Variants in ATXN10 observed in about 807,000 individuals in gnomAD.
The protein encoded by ATXN10 is ataxin-10.
ATXN10 carries 28 observed loss-of-function variants against 52.9 expected under a neutral mutation model. That is an observed-to-expected ratio of 0.53 (90% CI 0.39 to 0.73). The LOEUF (loss-of-function observed/expected upper bound fraction) is 0.73. ATXN10 is among the 30% of genes least tolerant of loss of function. The pLI is 0.00. For missense variants in ATXN10, 565 were observed against 577.0 expected (o/e 0.98, Z 0.21); for synonymous variants, 226 against 221.5 (o/e 1.02, Z -0.18).
intron 10 of ATXN10, among the ~76,000 whole-genome samples, chr22:45,839,922 C>T (rs1929290925): frequency 6.6e-6 from 1 of 152,230 alleles, no homozygotes; most frequent in Non-Finnish European, 1.5e-5. Flanking sequence ...TGGCCCCACC[C>T]ACGTGGTGAA....
intron 9 of ATXN10, among the ~76,000 whole-genome samples, chr22:45,747,472 C>T (rs1192449127): frequency 1.3e-5 from 2 of 151,890 alleles, no homozygotes; most frequent in Non-Finnish European, 2.9e-5. Flanking sequence ...CCACTGTGTT[C>T]TAGCCTCGGT....
At chr22:45,672,507 T>G in intron 1 of ATXN10, 1 of 159,368 alleles carries the variant, frequency 6.3e-6, no homozygotes, top group Non-Finnish European at 1.4e-5. Context: ...GTGCGAGGGC[T>G]GCGCCAGGCC....
chr22:45,731,182 G>A (rs1925075795), intron 7 of ATXN10, among the ~76,000 whole-genome samples: 1 of 152,212 alleles, frequency 6.6e-6, no homozygotes, highest in Non-Finnish European at 1.5e-5. Context: ...ATGCACTTGT[G>A]ATACAACAGG....
rs1024256761 is a variant in ATXN10 at position 45,789,408 on chromosome 22, G to T, written c.1174-17551G>T. On this transcript the variant is annotated intron_variant, in intron 9 of 11. Transcript: ENST00000252934. The surrounding 1 kb of genome is among the most constrained non-coding windows in gnomAD (Gnocchi z 4.0). ...ATCATTGTTAAGTATCTCGGGACCG[G>T]GCAAGGGATGCAAGGATGAGTGGAA... Among the ~76,000 whole-genome samples the T allele has an allele frequency of 9.9e-5, 15 of 152,114 alleles. No homozygotes were observed. Among genetic ancestry groups the T allele is most frequent in the African/African-American group, 3.4e-4 (14 of 41,414 alleles).
chr22:45,811,860 C>G (rs1184631088), intron 10 of ATXN10: 4 of 451,780 alleles, frequency 8.9e-6, no homozygotes, highest in African/African-American at 4.0e-5. Flanking sequence ...TCATTCCTCT[C>G]TGATTCTCCC....
At chr22:45,751,427 TGAGAGA>T (rs3077250) in intron 9 of ATXN10, among the ~76,000 whole-genome samples, 5 of 148,068 alleles carry the variant, frequency 3.4e-5, no homozygotes, top group African/African-American at 9.9e-5. Flanking sequence ...TGTGTGTTTT[TGAGAGA>T]GAGAGAGAGA....
intron 5 of ATXN10, among the ~76,000 whole-genome samples, chr22:45,713,497 C>A (rs539192874): frequency 6.6e-6 from 1 of 152,232 alleles, no homozygotes; most frequent in South Asian, 2.1e-4. Context: ...CAGAGTTCTC[C>A]TATATGACCG....
Position 45,826,657 on chromosome 22 carries a change from A to AT in ATXN10, c.1238-16334_1238-16333insT, listed in dbSNP as rs1249950234. ...AATGTTCAAAGTGCAAAAAGAAAAA[A>AT]CTGTCAACTAAGAATCGTTTGTCTG... On this transcript the variant is annotated intron_variant, in intron 10 of 11. Transcript: ENST00000252934. The surrounding 1 kb of genome is among the most constrained non-coding windows in gnomAD (Gnocchi z 5.0). Among the ~76,000 whole-genome samples, 1 of 152,238 alleles carries AT rather than the reference A, an allele frequency of 6.6e-6. No individual in the cohort carries two copies. Among genetic ancestry groups the AT allele is most frequent in the Non-Finnish European group, 1.5e-5 (1 of 68,042 alleles).
chr22:45,703,395 T>A (rs1923915603), intron 5 of ATXN10, among the ~76,000 whole-genome samples: 1 of 152,218 alleles, frequency 6.6e-6, no homozygotes. Context: ...CTTTTTGGGG[T>A]TTCCTCAACT....
At position 45,786,522 on chromosome 22, in the gene ATXN10, C is replaced by T. The variant is rs1433044139; in HGVS notation, c.1174-20437C>T. On this transcript the variant is annotated intron_variant, in intron 9 of 11. Coordinates refer to ENST00000252934, the MANE Select transcript of ATXN10 (RefSeq NM_013236.4). This position sits in a 1 kb window ranked among gnomAD's most constrained non-coding sequence, Gnocchi z 4.1. ...AGCCCGCACTTTATCACCCTTCCTG[C>T]CAGGGCATTGCTCCCTGGTCGGAAG... 1.3e-5 allele frequency among the ~76,000 whole-genome samples: 2 copies of T among 152,234 alleles called. No homozygotes were observed. Among genetic ancestry groups the T allele is most frequent in the South Asian group, 2.1e-4 (1 of 4,836 alleles).
In ATXN10 at chr22:45,823,095, T is replaced by C. The variant is rs1250316537; in HGVS notation, c.1237+16073T>C. On this transcript the variant is annotated intron_variant, in intron 10 of 11. Transcript: ENST00000252934. The surrounding 1 kb of genome is among the most constrained non-coding windows in gnomAD (Gnocchi z 4.9). Reference sequence around the variant, plus strand: ...TAGAGTAAACTGCAAAATTTTTAAGTATACATCTTGACATAAGTACAGATG... The same window carrying C: ...TAGAGTAAACTGCAAAATTTTTAAGCATACATCTTGACATAAGTACAGATG... 1 of 462,512 alleles carries C rather than the reference T, an allele frequency of 2.2e-6. No homozygotes were observed. Among genetic ancestry groups the C allele is most frequent in the East Asian group, 7.0e-5 (1 of 14,284 alleles). 28.7% of individuals were successfully genotyped at this position (462,512 alleles called of 1,614,324 possible).
Position 45,712,600 on chromosome 22 carries a change from G to T in ATXN10, c.648-5813G>T, listed in dbSNP as rs1388774025. 6.6e-6 allele frequency among the ~76,000 whole-genome samples: 1 copy of T among 152,118 alleles called. No individual in the cohort carries two copies. ...ACACCCACTGCCTCCCTTAGAGGAC[G>T]ACATTAAAGGAAGGGTGGCTGGGAT... is the stretch of plus-strand genomic sequence containing the variant. On this transcript the variant is annotated intron_variant, in intron 5 of 11. Coordinates refer to ENST00000252934, the MANE Select transcript of ATXN10 (RefSeq NM_013236.4). This position sits in a 1 kb window ranked among gnomAD's most constrained non-coding sequence, Gnocchi z 4.6.
intron 9 of ATXN10, among the ~76,000 whole-genome samples, chr22:45,742,738 CAT>C (rs1356712421): frequency 6.6e-6 from 1 of 152,188 alleles, no homozygotes; most frequent in African/African-American, 2.4e-5. Flanking sequence ...TCCTGTGAGA[CAT>C]GGCGCAGAAC....
chr22:45,751,410 T>C (rs1259444610), intron 9 of ATXN10, among the ~76,000 whole-genome samples: 1 of 142,876 alleles, frequency 7.0e-6, no homozygotes, highest in African/African-American at 2.5e-5. Flanking sequence ...CTGGTGGTGA[T>C]AGGGTTTGTG....
chr22:45,734,240 G>A (rs1486105345), intron 7 of ATXN10: 2 of 157,506 alleles, frequency 1.3e-5, no homozygotes, highest in Non-Finnish European at 2.8e-5. Context: ...TTGCACATCA[G>A]TGCAACACAA....
intron 1 of ATXN10, chr22:45,675,062 A>G (rs1295729025): frequency 1.1e-4 from 16 of 152,216 alleles, no homozygotes; most frequent in Admixed American, 1.0e-3. Flanking sequence ...CTGTAATATT[A>G]TATGTGTAGC....
intron 9 of ATXN10, among the ~76,000 whole-genome samples, chr22:45,785,955 G>T (rs965553139): frequency 1.2e-4 from 18 of 152,188 alleles, no homozygotes; most frequent in Admixed American, 2.0e-4. Context: ...GACAAATTTT[G>T]TAGCTATGCA....
rs1601584261 is a variant in ATXN10, at chr22:45,678,999, A to G, written c.116+6820A>G. 2.0e-5 allele frequency: 3 copies of G among 152,202 alleles called. No individual in the cohort carries two copies. Among genetic ancestry groups the G allele is most frequent in the African/African-American group, 7.2e-5 (3 of 41,444 alleles). 9.4% of individuals were successfully genotyped at this position (152,202 alleles called of 1,614,324 possible). A position where few individuals can be genotyped will look rare whatever the true frequency, so the allele number is the denominator to read the frequency against. On this transcript the variant is annotated intron_variant, in intron 1 of 11. Coordinates refer to ENST00000252934, the MANE Select transcript of ATXN10 (RefSeq NM_013236.4). This position sits in a 1 kb window ranked among gnomAD's most constrained non-coding sequence, Gnocchi z 4.1. Reference sequence around the variant, plus strand: ...GTAAATATAAATGTCTTAAGCCTTCATTCCTTTGCTTATACACACTCTTCA... The same window carrying G: ...GTAAATATAAATGTCTTAAGCCTTCGTTCCTTTGCTTATACACACTCTTCA...
chr22:45,760,677 T>G (rs748180504), intron 9 of ATXN10: 6 of 154,092 alleles, frequency 3.9e-5, no homozygotes, highest in African/African-American at 9.6e-5. Flanking sequence ...TATTCGTCTC[T>G]TACCTCATTT....
Sources: allele counts gnomAD v4.1 joint callset (sites outside exome capture counted in the v4.1 genomes callset), GRCh38; gene constraint gnomAD v4.1.1; non-coding constraint Gnocchi (gnomAD v3.1); transcripts MANE v1.5; gene names NCBI Gene and HGNC (gene_info 2026-07-23, HGNC 2026-07-21).